SLC47A2: variants seen among roughly 807,000 people sequenced by gnomAD.
SLC47A2 encodes the protein multidrug and toxin extrusion protein 2.
Under a neutral mutation model 67.7 loss-of-function variants are expected in SLC47A2, and 52 were observed. The observed-to-expected ratio is 0.77, with a 90% confidence interval of 0.61 to 0.97. The LOEUF (loss-of-function observed/expected upper bound fraction) is 0.97. Among genes scored for constraint, SLC47A2 ranks in the 50% least tolerant of loss-of-function variants. The probability of loss-of-function intolerance (pLI) is 0.00; values close to 1 mark genes in which losing one functional copy is unlikely to be tolerated. For synonymous variants in SLC47A2, 278 were observed against 292.9 expected (o/e 0.95, Z 0.52); for missense variants, 676 against 712.3 (o/e 0.95, Z 0.58).
At chr17:19,682,707 G>T (rs2085343572) in intron 13 of SLC47A2, among the ~76,000 whole-genome samples, 1 of 152,190 alleles carries the variant, frequency 6.6e-6, no homozygotes, top group South Asian at 2.1e-4. Context: ...AGGTTCTGGG[G>T]ATTATGATGT....
At position 19,696,460 on chromosome 17, in the gene SLC47A2, CAAA is replaced by C. The variant is rs35606212; in HGVS notation, c.1164+6142_1164+6144del. On this transcript the variant is annotated intron_variant, in intron 13 of 16. Coordinates refer to ENST00000433844, the MANE Select transcript of SLC47A2 (RefSeq NM_001099646.3). ...CTGGCAACATAGCAAGACTCCATCT[CAAA>C]AAAAAAAAAAAAAAATAGAGAGAAT... Among the ~76,000 whole-genome samples, 151 of 110,744 alleles carry C rather than the reference CAAA, an allele frequency of 1.4e-3. 1 individual carries two copies. Among genetic ancestry groups the C allele is most frequent in the African/African-American group, 3.6e-3 (103 of 28,240 alleles). 72.7% of individuals were successfully genotyped at this position (110,744 alleles called of 152,430 possible). A position where few individuals can be genotyped will look rare whatever the true frequency, so the allele number is the denominator to read the frequency against.
At chr17:19,718,587 T>G (rs1443672636), upstream of SLC47A2, 3 of 152,212 alleles carry the variant, frequency 2.0e-5, no homozygotes, top group Admixed American at 6.5e-5. Flanking sequence ...ATTCCCAGGA[T>G]TTTTGTGATA....
At position 19,685,426 on chromosome 17, in the gene SLC47A2, C is replaced by T. The variant is rs900379834; in HGVS notation, c.1165-3756G>A. Among the ~76,000 whole-genome samples, 1 of 151,372 alleles carries T rather than the reference C, an allele frequency of 6.6e-6. No homozygotes were observed. Among genetic ancestry groups the T allele is most frequent in the Non-Finnish European group, 1.5e-5 (1 of 67,840 alleles). On this transcript the variant is annotated intron_variant, in intron 13 of 16. Transcript: ENST00000433844. The surrounding 1 kb of genome is among the most constrained non-coding windows in gnomAD (Gnocchi z 4.5). ...GCGTCTCTGCCTGGCCGCCCATCATCTGGGATGTGAGGAGCCCCTCTGCCT... is the reference window on the plus strand; with the variant it reads ...GCGTCTCTGCCTGGCCGCCCATCATTTGGGATGTGAGGAGCCCCTCTGCCT...
intron 10 of SLC47A2, 47 bp from the exon 11 acceptor site, chr17:19,704,225 C>G: frequency 3.3e-6 from 5 of 1,508,072 alleles, no homozygotes; most frequent in Non-Finnish European, 4.5e-6. Flanking sequence ...CACCCTCCAA[C>G]CCCTGAAGTC....
intron 13 of SLC47A2, among the ~76,000 whole-genome samples, chr17:19,694,807 T>A (rs2085620999): frequency 6.6e-6 from 1 of 151,254 alleles, no homozygotes; most frequent in African/African-American, 2.4e-5. Context: ...TCCCAGCTAC[T>A]CAGGAGGCTG....
rs150225670 is a variant in SLC47A2 at position 19,706,728 on chromosome 17, G to A, written c.761C>T (p.Pro254Leu). ...GCTGGGGACAGCCAGGGAGAAGAAG[G>A]GGCCCCAGTCCTGCAGGCACTGGCT... ...WSSQCLQDWG[P>L]FFSLAVPSML... Residue 254 changes from proline (P) to leucine (L), a missense_variant, in exon 9 of 17, where the codon CCC becomes CTC. Transcript: ENST00000433844. 33 of 1,611,080 alleles carry A rather than the reference G, an allele frequency of 2.0e-5. No homozygotes were observed. The highest frequency in any genetic ancestry group is 3.4e-5 in the Admixed American group (2 of 59,372).
At chr17:19,709,865 C>A (rs898494005) in intron 5 of SLC47A2, among the ~76,000 whole-genome samples, 2 of 152,144 alleles carry the variant, frequency 1.3e-5, no homozygotes, top group East Asian at 3.8e-4. Context: ...TGACAAGATG[C>A]CATCACCTCG....
intron 5 of SLC47A2, among the ~76,000 whole-genome samples, chr17:19,711,912 G>A (rs180998586): frequency 1.3e-5 from 2 of 151,922 alleles, no homozygotes; most frequent in Non-Finnish European, 2.9e-5. Flanking sequence ...ATAAGTTATG[G>A]CCTAACTATG....
At chr17:19,693,607 C>CTAAAAA (rs1269726045) in intron 13 of SLC47A2, among the ~76,000 whole-genome samples, 1 of 107,120 alleles carries the variant, frequency 9.3e-6, no homozygotes, top group Non-Finnish European at 2.1e-5. Flanking sequence ...CCCGTCTCTA[C>CTAAAAA]TAAAAATAAT....
intron 13 of SLC47A2, among the ~76,000 whole-genome samples, chr17:19,684,582 C>A (rs1597591216): frequency 6.6e-6 from 1 of 151,278 alleles, no homozygotes; most frequent in Non-Finnish European, 1.5e-5. Flanking sequence ...TAGTGTGGGC[C>A]AGGCATGGTG....
chr17:19,688,754 C>T (rs2085479403), intron 13 of SLC47A2, among the ~76,000 whole-genome samples: 1 of 151,942 alleles, frequency 6.6e-6, no homozygotes, highest in African/African-American at 2.4e-5. Flanking sequence ...AACAAGGTTT[C>T]ACCATGTTGG....
upstream of SLC47A2, chr17:19,718,732 A>G (rs1175550199): frequency 6.6e-6 from 1 of 152,240 alleles, no homozygotes; most frequent in Non-Finnish European, 1.5e-5. Flanking sequence ...ACTGCCATGC[A>G]TTGGCCGCCC....
At chr17:19,695,559 C>A (rs1308891712) in intron 13 of SLC47A2, among the ~76,000 whole-genome samples, 1 of 144,112 alleles carries the variant, frequency 6.9e-6, no homozygotes, top group Non-Finnish European at 1.5e-5. Flanking sequence ...ATATATTTAT[C>A]TGTGAATTTA....
At chr17:19,683,769 C>A (rs2085363609) in intron 13 of SLC47A2, among the ~76,000 whole-genome samples, 1 of 152,194 alleles carries the variant, frequency 6.6e-6, no homozygotes, top group Non-Finnish European at 1.5e-5. Context: ...AGAATGGAAG[C>A]TTTGCTAGCT....
intron 4 of SLC47A2, among the ~76,000 whole-genome samples, chr17:19,713,390 GTAA>G (rs34354818): frequency 3.1e-4 from 46 of 148,674 alleles, no homozygotes; most frequent in East Asian, 6.0e-4. Flanking sequence ...TCTGTCTCAA[GTAA>G]TAATAATAAT....
chr17:19,715,341 G>A lies in SLC47A2; in HGVS notation c.124-124C>T. On this transcript the variant is annotated intron_variant, in intron 1 of 16. Transcript: ENST00000433844. ...GCCCCGAGAGGTCACCTACGCCTGG[G>A]GAAGCCAGGGCTGGAGGTCGGATGA... 3 of 769,212 alleles carry A rather than the reference G, an allele frequency of 3.9e-6. No individual in the cohort carries two copies. In the South Asian group the frequency reaches 5.0e-5, roughly 13 times the overall value. 47.6% of individuals were successfully genotyped at this position (769,212 alleles called of 1,614,324 possible). A position where few individuals can be genotyped will look rare whatever the true frequency, so the allele number is the denominator to read the frequency against.
intron 13 of SLC47A2, among the ~76,000 whole-genome samples, chr17:19,693,286 G>T (rs916258726): frequency 1.3e-5 from 2 of 152,032 alleles, no homozygotes; most frequent in African/African-American, 4.8e-5. Context: ...AAAGCATTCC[G>T]CAAAATCTAG....
At chr17:19,713,716 C>G in intron 4 of SLC47A2, 109 bp downstream of exon 4, 2 of 1,472,120 alleles carry the variant, frequency 1.4e-6, no homozygotes, top group Non-Finnish European at 1.8e-6. Flanking sequence ...ACTGTGAGCA[C>G]TCGTGGCCTA....
At position 19,708,621 on chromosome 17, in the gene SLC47A2, ATGG is replaced by A. The variant is rs558052266; in HGVS notation, c.531+92_531+94del. The A allele has an allele frequency of 9.0e-5, 144 of 1,595,834 alleles. 1 individual carries two copies. The South Asian group carries it at 1.5e-3, about 17-fold the overall frequency. ...ACCCCTTTCAAGAGCTGGTTCACAGATGGTGGAGAGAAGGGGAAAGCCCCAGGC... is the reference window on the plus strand; with the variant it reads ...ACCCCTTTCAAGAGCTGGTTCACAGATGGAGAGAAGGGGAAAGCCCCAGGC... On this transcript the variant is annotated intron_variant, in intron 6 of 16. Coordinates refer to ENST00000433844, the MANE Select transcript of SLC47A2 (RefSeq NM_001099646.3).
Sources: allele counts gnomAD v4.1 joint callset (sites outside exome capture counted in the v4.1 genomes callset), GRCh38; gene constraint gnomAD v4.1.1; non-coding constraint Gnocchi (gnomAD v3.1); transcripts MANE v1.5; gene names NCBI Gene and HGNC (gene_info 2026-07-23, HGNC 2026-07-21).